Variants in CAMKMT observed in about 807,000 individuals in gnomAD.
The protein encoded by CAMKMT is calmodulin-lysine N-methyltransferase, also known as CaM KMT.
In CAMKMT, 53 loss-of-function variants were observed where a neutral mutation model predicts 48.0. The ratio of observed to expected loss-of-function variants is 1.10; its 90% CI spans 0.89 to 1.39. The LOEUF (loss-of-function observed/expected upper bound fraction) is 1.39. CAMKMT is among the 40% of genes most tolerant of loss of function. CAMKMT has a pLI of 0.00. For synonymous variants in CAMKMT, 165 were observed against 152.3 expected (o/e 1.08, Z -0.61); for missense variants, 428 against 402.7 (o/e 1.06, Z -0.54).
At chr2:44,380,443 T>C (rs1030097490) in intron 2 of CAMKMT, among the ~76,000 whole-genome samples, 10 of 152,166 alleles carry the variant, frequency 6.6e-5, no homozygotes, top group African/African-American at 2.2e-4. Flanking sequence ...TTTCTTTTGT[T>C]ATAGGCATTA....
intron 7 of CAMKMT, among the ~76,000 whole-genome samples, chr2:44,723,538 C>T (rs1054479164): frequency 6.6e-6 from 1 of 151,352 alleles, no homozygotes; most frequent in Non-Finnish European, 1.5e-5. Context: ...TTGCAGTGAG[C>T]GGAGATCACA....
At chr2:44,375,454 T>G (rs1308836212) in intron 2 of CAMKMT, among the ~76,000 whole-genome samples, 1 of 151,744 alleles carries the variant, frequency 6.6e-6, no homozygotes, top group Non-Finnish European at 1.5e-5. Flanking sequence ...ATAATAAAAA[T>G]AATTAAATAA....
At chr2:44,452,680 A>G (rs1302786619) in intron 3 of CAMKMT, among the ~76,000 whole-genome samples, 1 of 152,052 alleles carries the variant, frequency 6.6e-6, no homozygotes, top group African/African-American at 2.4e-5. Context: ...AGTAAAATTT[A>G]TCTTTAACCT....
At chr2:44,459,661 A>G (rs1667750063) in intron 3 of CAMKMT, among the ~76,000 whole-genome samples, 1 of 152,194 alleles carries the variant, frequency 6.6e-6, no homozygotes, top group Non-Finnish European at 1.5e-5. Flanking sequence ...TGACTCCCCC[A>G]TATCCCCCGC....
chr2:44,748,251 A>ATC (rs1286053283), intron 8 of CAMKMT, among the ~76,000 whole-genome samples: 2 of 152,202 alleles, frequency 1.3e-5, no homozygotes, highest in Non-Finnish European at 2.9e-5. Flanking sequence ...GATGGAGTAG[A>ATC]CAGCATTACC....
chr2:44,698,118 TATA>T (rs1677057746), intron 3 of CAMKMT, among the ~76,000 whole-genome samples: 1 of 152,244 alleles, frequency 6.6e-6, no homozygotes, highest in African/African-American at 2.4e-5. Flanking sequence ...TTTATTGAGA[TATA>T]ATTCACATAC....
chr2:44,560,044 T>C (rs1668241085), intron 3 of CAMKMT, among the ~76,000 whole-genome samples: 2 of 152,214 alleles, frequency 1.3e-5, no homozygotes, highest in Non-Finnish European at 2.9e-5. Flanking sequence ...TAACTAGCCC[T>C]CTTGCTTTGG....
At chr2:44,448,243 G>A (rs1667109949) in intron 3 of CAMKMT, among the ~76,000 whole-genome samples, 1 of 152,032 alleles carries the variant, frequency 6.6e-6, no homozygotes, top group Non-Finnish European at 1.5e-5. Flanking sequence ...GTTTGCATCT[G>A]GGGAATGTTG....
chr2:44,487,349 T>C (rs1380291229), intron 3 of CAMKMT, among the ~76,000 whole-genome samples: 1 of 152,182 alleles, frequency 6.6e-6, no homozygotes, highest in African/African-American at 2.4e-5. Context: ...AAAGTCATTA[T>C]AGGTAATGAT....
intron 6 of CAMKMT, among the ~76,000 whole-genome samples, chr2:44,711,873 A>G (rs890702699): frequency 2.0e-5 from 3 of 152,174 alleles, no homozygotes; most frequent in Non-Finnish European, 4.4e-5. Flanking sequence ...CAGGACACGC[A>G]GCCCCCAAAT....
intron 9 of CAMKMT, among the ~76,000 whole-genome samples, chr2:44,760,229 T>C (rs997848728): frequency 2.0e-5 from 3 of 152,146 alleles, no homozygotes; most frequent in African/African-American, 4.8e-5. Context: ...CAGTGGTGTC[T>C]GACTTTGGTC....
At chr2:44,697,777 A>T (rs150420768) in intron 3 of CAMKMT, among the ~76,000 whole-genome samples, 1 of 152,178 alleles carries the variant, frequency 6.6e-6, no homozygotes, top group Non-Finnish European at 1.5e-5. Context: ...AGGAATAGAG[A>T]TAAAAGCAAA....
In CAMKMT at chr2:44,534,276, G is replaced by T. The variant is rs371535987; in HGVS notation, c.376+143971G>T. 3.4e-4 allele frequency among the ~76,000 whole-genome samples: 52 copies of T among 152,094 alleles called. 1 individual carries two copies. In the East Asian group the frequency reaches 6.0e-3, roughly 17 times the overall value. ...TAGACTTCCTATACAATAATAGTTG[G>T]GAATTCAGTATTCCACTCATCGTCT... On this transcript the variant is annotated intron_variant, in intron 3 of 10. Coordinates refer to ENST00000378494, the MANE Select transcript of CAMKMT (RefSeq NM_024766.5).
chr2:44,754,235 T>G (rs1680275216), intron 9 of CAMKMT, 117 bp downstream of exon 9: 11 of 748,966 alleles, frequency 1.5e-5, no homozygotes, highest in Non-Finnish European at 2.5e-5. Flanking sequence ...TAATACTTAT[T>G]ATGTCCAACT....
At chr2:44,588,788 A>T (rs201744851) in intron 3 of CAMKMT, among the ~76,000 whole-genome samples, 1,242 of 5,868 alleles carry the variant, frequency 0.21, 2 homozygotes, top group Admixed American at 0.27. Flanking sequence ...TGAGGACCCC[A>T]CTGCCCGGCC....
intron 3 of CAMKMT, among the ~76,000 whole-genome samples, chr2:44,702,436 A>C (rs1157814047): frequency 6.6e-6 from 1 of 152,068 alleles, no homozygotes; most frequent in Non-Finnish European, 1.5e-5. Context: ...TGATCTTATT[A>C]TGTGTTAGGA....
chr2:44,729,962 G>C (rs973162082), intron 7 of CAMKMT, among the ~76,000 whole-genome samples: 26 of 152,120 alleles, frequency 1.7e-4, no homozygotes, highest in African/African-American at 6.3e-4. Flanking sequence ...GATGTATGCC[G>C]AAGTTTGAAA....
At chr2:44,698,503 T>C (rs891738652) in intron 3 of CAMKMT, among the ~76,000 whole-genome samples, 2 of 152,248 alleles carry the variant, frequency 1.3e-5, no homozygotes, top group Admixed American at 6.5e-5. Flanking sequence ...AAGTTTGCAC[T>C]ATACTGTAGC....
chr2:44,541,801 T>A (rs1667123311), intron 3 of CAMKMT, among the ~76,000 whole-genome samples: 1 of 151,492 alleles, frequency 6.6e-6, no homozygotes, highest in Admixed American at 6.6e-5. Flanking sequence ...ACATATATAT[T>A]TTTACTAAGA....
Sources: allele counts gnomAD v4.1 joint callset (sites outside exome capture counted in the v4.1 genomes callset), GRCh38; gene constraint gnomAD v4.1.1; transcripts MANE v1.5; gene names NCBI Gene and HGNC (gene_info 2026-07-23, HGNC 2026-07-21).